ATAD1: variants seen among roughly 807,000 people sequenced by gnomAD.
ATAD1 encodes outer mitochondrial transmembrane helix translocase.
Under a neutral mutation model 42.7 loss-of-function variants are expected in ATAD1, and 18 were observed. The ratio of observed to expected loss-of-function variants is 0.42; its 90% CI spans 0.29 to 0.63. The LOEUF (loss-of-function observed/expected upper bound fraction) is 0.63, where lower values mean the gene tolerates loss of function less well. Among genes scored for constraint, ATAD1 ranks in the 20% least tolerant of loss-of-function variants. ATAD1 has a pLI of 0.19. For missense variants in ATAD1, 294 were observed against 440.4 expected, an observed-to-expected ratio of 0.67 and a Z score of 2.98; for synonymous variants, 132 against 143.1, an observed-to-expected ratio of 0.92 and a Z score of 0.55.
chr10:87,765,772 A>G (rs1358490213), intron 8 of ATAD1, among the ~76,000 whole-genome samples: 3 of 152,200 alleles, frequency 2.0e-5, no homozygotes, highest in Non-Finnish European at 2.9e-5. Flanking sequence ...GTTCATGCCT[A>G]TAATTCCAGC....
intron 8 of ATAD1, among the ~76,000 whole-genome samples, chr10:87,765,482 A>G (rs1024534141): frequency 2.1e-5 from 2 of 93,756 alleles, no homozygotes; most frequent in Non-Finnish European, 3.9e-5. Context: ...CAGAAGCCAT[A>G]GGGGGGGTGG....
At chr10:87,804,923 A>G (rs947983150) in intron 2 of ATAD1, among the ~76,000 whole-genome samples, 9 of 152,256 alleles carry the variant, frequency 5.9e-5, no homozygotes, top group Admixed American at 5.9e-4. Flanking sequence ...CTCATTACCA[A>G]TTAAATCTCC....
At chr10:87,797,747 T>C (rs1856467222) in intron 2 of ATAD1, among the ~76,000 whole-genome samples, 1 of 152,160 alleles carries the variant, frequency 6.6e-6, no homozygotes. Context: ...GAAGTGGTCT[T>C]GGCTGTTTTT....
rs1039802076 is a variant in ATAD1, at chr10:87,752,815, A to C, written c.*1872T>G. ...ACTTCTCTAACTTCATTTGATGATT[A>C]AAACCACGAAGAAATTGAATAACCA... is the stretch of plus-strand genomic sequence containing the variant. On this transcript the variant is annotated 3_prime_UTR_variant, in exon 10 of 10. Coordinates refer to ENST00000680024, the MANE Select transcript of ATAD1 (RefSeq NM_001321967.2). 4.6e-5 allele frequency: 7 copies of C among 152,196 alleles called. No homozygotes were observed. 9.4% of individuals were successfully genotyped at this position (152,196 alleles called of 1,614,324 possible). A position where few individuals can be genotyped will look rare whatever the true frequency, so the allele number is the denominator to read the frequency against.
chr10:87,774,821 C>T (rs543560770), intron 6 of ATAD1, among the ~76,000 whole-genome samples: 16 of 152,132 alleles, frequency 1.1e-4, no homozygotes, highest in African/African-American at 2.9e-4. Context: ...GGTGTGGTGG[C>T]GTGCACCTGT....
Position 87,778,823 on chromosome 10 carries a change from C to T in ATAD1, c.584-2396G>A, listed in dbSNP as rs374690037. 1.3e-3 allele frequency among the ~76,000 whole-genome samples: 199 copies of T among 151,780 alleles called. 1 individual carries two copies. Among genetic ancestry groups the T allele is most frequent in the African/African-American group, 4.5e-3 (186 of 41,414 alleles). On this transcript the variant is annotated intron_variant, in intron 5 of 9. Transcript: ENST00000680024. The stretch of plus-strand genomic sequence containing the variant: ...GGTGCTGGAGCAATTGGACATTCAT[C>T]GGCAAAAAAACGGACCAACACAGAC...
intron 8 of ATAD1, among the ~76,000 whole-genome samples, chr10:87,763,080 C>CAAA (rs71019501): frequency 1.2e-3 from 32 of 26,466 alleles, no homozygotes; most frequent in East Asian, 2.6e-3. Context: ...GACTCTGTCA[C>CAAA]AAAAAAAAAA....
At chr10:87,805,963 TTC>T (rs1304366662) in intron 2 of ATAD1, among the ~76,000 whole-genome samples, 1 of 152,090 alleles carries the variant, frequency 6.6e-6, no homozygotes, top group Non-Finnish European at 1.5e-5. Context: ...TTAAAATCAA[TTC>T]TCTTTTGCAA....
At chr10:87,838,700 C>T (rs1589582010) in intron 1 of ATAD1, among the ~76,000 whole-genome samples, 1 of 152,026 alleles carries the variant, frequency 6.6e-6, no homozygotes, top group Non-Finnish European at 1.5e-5. Flanking sequence ...GGGATTAGTG[C>T]CCTTGTAAGA....
chr10:87,775,037 A>T (rs1855227179), intron 6 of ATAD1, among the ~76,000 whole-genome samples: 1 of 152,202 alleles, frequency 6.6e-6, no homozygotes, highest in Non-Finnish European at 1.5e-5. Flanking sequence ...AAACATGGAG[A>T]ACAATAATTG....
At chr10:87,791,030 CAAAAAAAAAA>C (rs34722647) in intron 3 of ATAD1, among the ~76,000 whole-genome samples, 12 of 66,276 alleles carry the variant, frequency 1.8e-4, no homozygotes, top group Admixed American at 4.1e-4. Context: ...ACTAAAATTA[CAAAAAAAAAA>C]AAAAAAAAAA....
intron 8 of ATAD1, among the ~76,000 whole-genome samples, chr10:87,759,431 G>A (rs1278745374): frequency 6.6e-6 from 1 of 151,902 alleles, no homozygotes; most frequent in African/African-American, 2.4e-5. Context: ...GGGGCTATTT[G>A]TTTATATGTT....
chr10:87,778,134 T>G (rs1855390924), intron 5 of ATAD1, among the ~76,000 whole-genome samples: 1 of 140,504 alleles, frequency 7.1e-6, no homozygotes, highest in African/African-American at 2.7e-5. Flanking sequence ...AAATTGTGAG[T>G]GGATTAAAGT....
intron 1 of ATAD1, among the ~76,000 whole-genome samples, chr10:87,836,279 C>A (rs962122009): frequency 2.6e-5 from 4 of 152,128 alleles, no homozygotes; most frequent in African/African-American, 9.7e-5. Context: ...CCATGCCTGG[C>A]TCCTCCTTTA....
intron 7 of ATAD1, among the ~76,000 whole-genome samples, chr10:87,769,153 C>G (rs563158000): frequency 1.5e-4 from 23 of 152,302 alleles, no homozygotes; most frequent in Admixed American, 3.9e-4. Flanking sequence ...TATAAATTAT[C>G]TTCAGAACCA....
upstream of ATAD1, chr10:87,818,384 C>A: frequency 2.4e-6 from 1 of 425,060 alleles, no homozygotes; most frequent in Non-Finnish European, 3.1e-6. Flanking sequence ...AAGCTACCTG[C>A]TAGACTGAGA....
At chr10:87,773,936 T>C (rs1042260326) in intron 6 of ATAD1, among the ~76,000 whole-genome samples, 4 of 152,232 alleles carry the variant, frequency 2.6e-5, no homozygotes, top group Middle Eastern at 3.2e-3. Context: ...ATAAACCGCA[T>C]AGATTTATCA....
chr10:87,839,425 G>A (rs578116625), intron 1 of ATAD1, among the ~76,000 whole-genome samples: 4 of 152,244 alleles, frequency 2.6e-5, no homozygotes, highest in South Asian at 2.1e-4. Flanking sequence ...AACGAGGATC[G>A]TATTGAATAA....
chr10:87,817,499 A>G (rs1262179005), intron 1 of ATAD1, among the ~76,000 whole-genome samples: 1 of 152,228 alleles, frequency 6.6e-6, no homozygotes, highest in Non-Finnish European at 1.5e-5. Context: ...AAATCGTACT[A>G]CCTCATCTAT....
Sources: gnomAD v4.1 joint callset for allele counts (sites outside exome capture counted in the v4.1 genomes callset) on GRCh38, gnomAD v4.1.1 for gene constraint, MANE v1.5 for transcripts, NCBI Gene and HGNC (gene_info 2026-07-23, HGNC 2026-07-21) for gene names.